ADCY5: variants seen among roughly 807,000 people sequenced by gnomAD.
ADCY5 encodes the protein adenylate cyclase 5.
Under a neutral mutation model 119.7 loss-of-function variants are expected in ADCY5, and 30 were observed. That is an observed-to-expected ratio of 0.25 (90% CI 0.19 to 0.34). The LOEUF (loss-of-function observed/expected upper bound fraction) is 0.34, where lower values mean the gene tolerates loss of function less well. Among genes scored for constraint, ADCY5 ranks in the 10% least tolerant of loss-of-function variants. The probability of loss-of-function intolerance (pLI) is 1.00; values close to 1 mark genes in which losing one functional copy is unlikely to be tolerated. For synonymous variants in ADCY5, 753 were observed against 762.2 expected (o/e 0.99, Z 0.20); for missense variants, 1,324 against 1,775.2 (o/e 0.75, Z 4.57).
intron 2 of ADCY5, among the ~76,000 whole-genome samples, chr3:123,349,014 G>A (rs146002986): frequency 3.9e-5 from 6 of 152,054 alleles, no homozygotes; most frequent in East Asian, 3.9e-4. Context: ...CCCCATTCAC[G>A]CCTGCACTCT....
intron 1 of ADCY5, among the ~76,000 whole-genome samples, chr3:123,421,082 C>G (rs1411286637): frequency 6.6e-6 from 1 of 152,130 alleles, no homozygotes; most frequent in African/African-American, 2.4e-5. Flanking sequence ...TGCAAAGACC[C>G]TATTTTCAAA....
At position 123,291,166 on chromosome 3, in the gene ADCY5, CGTT is replaced by C; in HGVS notation, c.3271_3273del (p.Asn1091del). ...AGTAGCCGCAGGCACTCGACACCCTCGTTGTTGGCCTCCAGCTCAACGTAGAAC... is the reference window on the plus strand; with the variant it reads ...AGTAGCCGCAGGCACTCGACACCCTCGTTGGCCTCCAGCTCAACGTAGAAC... On this transcript the variant is annotated inframe_deletion, in exon 18 of 21. Coordinates refer to ENST00000462833, the MANE Select transcript of ADCY5 (RefSeq NM_183357.3). 3.1e-6 allele frequency: 5 copies of C among 1,614,114 alleles called. No homozygotes were observed. Among genetic ancestry groups the C allele is most frequent in the South Asian group, 1.1e-5 (1 of 91,086 alleles).
At chr3:123,414,568 T>G (rs1051967641) in intron 1 of ADCY5, among the ~76,000 whole-genome samples, 1 of 152,156 alleles carries the variant, frequency 6.6e-6, no homozygotes, top group Admixed American at 6.5e-5. Context: ...GCTTACCTTT[T>G]TTTTTTGAGA....
chr3:123,321,728 C>T (rs112360559), intron 8 of ADCY5, among the ~76,000 whole-genome samples: 223 of 152,332 alleles, frequency 1.5e-3, no homozygotes, highest in Middle Eastern at 3.4e-3. Flanking sequence ...CTCTTCATTC[C>T]CAATGAGGAC....
At chr3:123,388,980 A>C (rs1433133475) in intron 1 of ADCY5, among the ~76,000 whole-genome samples, 1 of 152,074 alleles carries the variant, frequency 6.6e-6, no homozygotes, top group African/African-American at 2.4e-5. Flanking sequence ...CCTCTACAGG[A>C]GGGACCTGGG....
chr3:123,364,339 G>C (rs1431239437), intron 1 of ADCY5, among the ~76,000 whole-genome samples: 3 of 152,150 alleles, frequency 2.0e-5, no homozygotes, highest in African/African-American at 7.2e-5. Flanking sequence ...TAAAACCAGA[G>C]AGAATAAGTC....
At chr3:123,367,857 A>G (rs1943501744) in intron 1 of ADCY5, 2 of 1,520,100 alleles carry the variant, frequency 1.3e-6, no homozygotes, top group Admixed American at 2.1e-5. Flanking sequence ...AGAAGAAAAA[A>G]AAAAACACCA....
In ADCY5 at chr3:123,328,909, T is replaced by TC. The variant is rs1941624839; in HGVS notation, c.1647-108dup. The TC allele has an allele frequency of 2.6e-6, 3 of 1,170,800 alleles. No homozygotes were observed. In the South Asian group the frequency reaches 4.4e-5, roughly 17 times the overall value. The allele number at this position is 1,170,800 out of a possible 1,614,324, so 72.5% of individuals were successfully genotyped here. A position where few individuals can be genotyped will look rare whatever the true frequency, so the allele number is the denominator to read the frequency against. On this transcript the variant is annotated intron_variant, in intron 5 of 20. Coordinates refer to ENST00000462833, the MANE Select transcript of ADCY5 (RefSeq NM_183357.3). Reference sequence around the variant, plus strand: ...AGGTGAAGGTGCGGGGGTCAAAGAGTCTTCTCTCTCCCATCCAGCCCTAGA... The same window carrying TC: ...AGGTGAAGGTGCGGGGGTCAAAGAGTCCTTCTCTCTCCCATCCAGCCCTAGA...
Position 123,447,665 on chromosome 3 carries a change from T to C in ADCY5, c.881A>G (p.His294Arg). 6.2e-7 allele frequency: 1 copy of C among 1,606,584 alleles called. No individual in the cohort carries two copies. The highest frequency in any genetic ancestry group is 1.1e-5 in the South Asian group (1 of 90,544). The change falls in exon 1 of 21, where the codon CAC becomes CGC. Residue 294 changes from histidine (H) to arginine (R), a missense_variant. By Grantham distance (29) the His-to-Arg change is conservative (BLOSUM62 0). Around this residue, in one of 6 missense-constraint regions of ADCY5, gnomAD observed 585 missense variants for 569.9 expected, o/e 1.03. Transcript: ENST00000462833. ...GCAGGCCAGGCCCATGTGGTCCTGG[T>C]GGAAGGCGGCGCGGTTGCAAAGCAC... ...MAVLCNRAAF[H>R]QDHMGLACYA...
chr3:123,335,301 C>T (rs1190657393), intron 3 of ADCY5, among the ~76,000 whole-genome samples: 1 of 152,210 alleles, frequency 6.6e-6, no homozygotes, highest in Non-Finnish European at 1.5e-5. Flanking sequence ...CGTGGTGTGT[C>T]TCCTCCTCGT....
rs554468667 is a variant in ADCY5 at position 123,327,678 on chromosome 3, G to A, written c.1887C>T (p.Asn629=). ...CGATACTGTGCTCCTTGAGGTAGGC[G>A]TTGCGCTCGCCCCCACAGCCTGGCT... is the stretch of plus-strand genomic sequence containing the variant. ...EVEPGCGGER[N]AYLKEHSIET... The change falls in exon 7 of 21, where the codon AAC becomes AAT. Residue 629 remains asparagine (N), a synonymous_variant. Coordinates refer to ENST00000462833, the MANE Select transcript of ADCY5 (RefSeq NM_183357.3). 102 of 1,614,124 alleles carry A rather than the reference G, an allele frequency of 6.3e-5. No homozygotes were observed. The East Asian group carries it at 1.5e-3, about 24-fold the overall frequency.
chr3:123,355,604 G>C (rs1056971729), intron 1 of ADCY5, among the ~76,000 whole-genome samples: 28 of 150,516 alleles, frequency 1.9e-4, no homozygotes, highest in African/African-American at 6.8e-4. Flanking sequence ...CATTTAAATA[G>C]CACCAGAAAC....
intron 17 of ADCY5, among the ~76,000 whole-genome samples, chr3:123,295,527 A>G (rs1939443946): frequency 6.6e-6 from 1 of 152,172 alleles, no homozygotes; most frequent in Non-Finnish European, 1.5e-5. Context: ...GCTGGCTGGA[A>G]TGCATGCATC....
chr3:123,411,423 G>A (rs1244962105), intron 1 of ADCY5, among the ~76,000 whole-genome samples: 2 of 152,168 alleles, frequency 1.3e-5, no homozygotes. Context: ...TCACCGGGCT[G>A]GGGGCCTGTC....
At chr3:123,361,698 T>C (rs951186016) in intron 1 of ADCY5, among the ~76,000 whole-genome samples, 1 of 152,196 alleles carries the variant, frequency 6.6e-6, no homozygotes, top group Non-Finnish European at 1.5e-5. Flanking sequence ...AAGTGTTTCA[T>C]ATTTTGGATT....
intron 11 of ADCY5, 24 bp downstream of exon 11, chr3:123,317,996 C>A: frequency 6.2e-7 from 1 of 1,601,248 alleles, no homozygotes; most frequent in South Asian, 1.1e-5. Flanking sequence ...GAGGAAGGAG[C>A]CCAAGAGGGA....
chr3:123,392,450 C>A (rs1944424152), intron 1 of ADCY5, among the ~76,000 whole-genome samples: 1 of 151,894 alleles, frequency 6.6e-6, no homozygotes, highest in South Asian at 2.1e-4. Flanking sequence ...GGTCTGCAGG[C>A]AGCACAGGTT....
intron 1 of ADCY5, among the ~76,000 whole-genome samples, chr3:123,385,284 G>GACACACACACACACACACACAC (rs146450872): frequency 1.4e-5 from 2 of 142,006 alleles, no homozygotes; most frequent in Admixed American, 6.7e-5. Flanking sequence ...GTCCACTGCA[G>GACACACACACACACACACACAC]ACACACACGC....
At chr3:123,429,955 A>C (rs1258856967) in intron 1 of ADCY5, among the ~76,000 whole-genome samples, 3 of 152,044 alleles carry the variant, frequency 2.0e-5, no homozygotes, top group South Asian at 2.1e-4. Flanking sequence ...CAGCGGGGGC[A>C]GCTCGGCCTG....
Sources: allele counts gnomAD v4.1 joint callset (sites outside exome capture counted in the v4.1 genomes callset), GRCh38; gene constraint gnomAD v4.1.1; regional missense constraint gnomAD v4.1.1; transcripts MANE v1.5; gene names NCBI Gene and HGNC (gene_info 2026-07-23, HGNC 2026-07-21).